FKBP5: variants seen among roughly 807,000 people sequenced by gnomAD.
FKBP5 encodes the protein peptidyl-prolyl cis-trans isomerase FKBP5.
A neutral mutation model predicts 50.5 loss-of-function variants in FKBP5; 23 were observed. That is an observed-to-expected ratio of 0.46 (90% CI 0.33 to 0.65). The LOEUF (loss-of-function observed/expected upper bound fraction) is 0.65, where lower values mean the gene tolerates loss of function less well. Among genes scored for constraint, FKBP5 ranks in the 30% least tolerant of loss-of-function variants. The probability of loss-of-function intolerance (pLI) is 0.02; values close to 1 mark genes in which losing one functional copy is unlikely to be tolerated. For missense variants in FKBP5, 411 were observed against 553.1 expected (o/e 0.74, Z 2.58); for synonymous variants, 176 against 190.6 (o/e 0.92, Z 0.63).
intron 2 of FKBP5, chr6:35,720,259 GGTCTC>G (rs1334045582): frequency 6.6e-6 from 1 of 152,650 alleles, no homozygotes; most frequent in Non-Finnish European, 1.5e-5. Flanking sequence ...GGTGGGGAGG[GGTCTC>G]TGTCCTGATA....
chr6:35,672,766 A>C (rs1009234923), intron 1 of FKBP5, among the ~76,000 whole-genome samples: 1 of 151,184 alleles, frequency 6.6e-6, no homozygotes, highest in African/African-American at 2.4e-5. Context: ...TCTACTAAAA[A>C]AAAAAATACA....
intron 3 of FKBP5, among the ~76,000 whole-genome samples, chr6:35,628,235 A>G (rs1325669058): frequency 6.6e-6 from 1 of 152,172 alleles, no homozygotes; most frequent in African/African-American, 2.4e-5. Context: ...TTTGTTGAAA[A>G]GACTGTTCTT....
At chr6:35,618,805 A>G (rs1763735499) in intron 5 of FKBP5, among the ~76,000 whole-genome samples, 1 of 151,400 alleles carries the variant, frequency 6.6e-6, no homozygotes. Flanking sequence ...AGTGATTCTC[A>G]TGCCTCAGCC....
rs1382240071 is a variant in FKBP5 at position 35,659,160 on chromosome 6, T to C, written c.-19-16317A>G. Among the ~76,000 whole-genome samples the C allele has an allele frequency of 4.8e-5, 4 of 84,174 alleles. 1 individual carries two copies. The highest frequency in any genetic ancestry group is 1.5e-4 in the African/African-American group (4 of 27,214). 55.2% of individuals were successfully genotyped at this position (84,174 alleles called of 152,430 possible). On this transcript the variant is annotated intron_variant, in intron 1 of 10. Coordinates refer to ENST00000357266, the MANE Select transcript of FKBP5 (RefSeq NM_004117.4). ...ATCTTTATCAATTTTATGGAGGAGTTTGTGTAAAATTGGTATTATGACTTC... is the reference window on the plus strand; with the variant it reads ...ATCTTTATCAATTTTATGGAGGAGTCTGTGTAAAATTGGTATTATGACTTC...
chr6:35,586,705 A>C, intron 8 of FKBP5: 1 of 1,146,148 alleles, frequency 8.7e-7, no homozygotes, highest in Non-Finnish European at 1.1e-6. Flanking sequence ...TTTCATTCCA[A>C]AAACACTTGT....
intron 5 of FKBP5, among the ~76,000 whole-genome samples, chr6:35,603,907 T>C (rs956109081): frequency 1.3e-5 from 2 of 151,950 alleles, no homozygotes; most frequent in African/African-American, 4.8e-5. Flanking sequence ...GGTTTCGCCA[T>C]GTTGGCCAGG....
Position 35,668,090 on chromosome 6 carries a change from C to T in FKBP5, c.-20+20714G>A, listed in dbSNP as rs530794916. ...CTTCACTAATTTAATTTTTCTACAACGAGTGTGTAACACAATAAGAAAGTA... is the reference window on the plus strand; with the variant it reads ...CTTCACTAATTTAATTTTTCTACAATGAGTGTGTAACACAATAAGAAAGTA... On this transcript the variant is annotated intron_variant, in intron 1 of 10. Coordinates refer to ENST00000357266, the MANE Select transcript of FKBP5 (RefSeq NM_004117.4). 1.3e-3 allele frequency among the ~76,000 whole-genome samples: 201 copies of T among 152,322 alleles called. 1 individual carries two copies. Among genetic ancestry groups the T allele is most frequent in the Non-Finnish European group, 1.9e-3 (130 of 68,030 alleles).
At chr6:35,690,868 T>C (rs1477185618), upstream of FKBP5, among the ~76,000 whole-genome samples, 1 of 151,682 alleles carries the variant, frequency 6.6e-6, no homozygotes, top group Non-Finnish European at 1.5e-5. Flanking sequence ...TAGCCAGGCA[T>C]GGTGACGCAT....
intron 1 of FKBP5, among the ~76,000 whole-genome samples, chr6:35,670,524 A>G (rs1765356019): frequency 6.6e-6 from 1 of 151,952 alleles, no homozygotes; most frequent in African/African-American, 2.4e-5. Context: ...ACTTGAGGTT[A>G]GAAGTTCGCC....
chr6:35,591,951 A>AT, intron 6 of FKBP5, among the ~76,000 whole-genome samples: 1 of 152,242 alleles, frequency 6.6e-6, no homozygotes, highest in South Asian at 2.1e-4. Flanking sequence ...AACTGAGGAC[A>AT]TATACATTTG....
At chr6:35,615,017 C>T (rs918270381) in intron 5 of FKBP5, among the ~76,000 whole-genome samples, 4 of 151,706 alleles carry the variant, frequency 2.6e-5, no homozygotes, top group South Asian at 2.1e-4. Flanking sequence ...CCAGCTACTC[C>T]GGAGACTGAG....
intron 6 of FKBP5, among the ~76,000 whole-genome samples, chr6:35,596,084 G>A (rs1332855514): frequency 1.3e-5 from 2 of 152,046 alleles, no homozygotes; most frequent in Non-Finnish European, 2.9e-5. Flanking sequence ...GCTGGGCGTG[G>A]TGGCTCACAC....
chr6:35,655,210 A>G (rs936019479), intron 1 of FKBP5, among the ~76,000 whole-genome samples: 4 of 152,200 alleles, frequency 2.6e-5, no homozygotes, highest in African/African-American at 9.7e-5. Flanking sequence ...AAGCTGAAGG[A>G]TAAGTAGGAG....
intron 8 of FKBP5, chr6:35,584,270 G>C (rs1762534552): frequency 4.1e-6 from 4 of 985,404 alleles, no homozygotes; most frequent in Non-Finnish European, 2.4e-6. Context: ...TTGAAATGAG[G>C]ACTTTACATC....
intron 1 of FKBP5, among the ~76,000 whole-genome samples, chr6:35,648,362 T>C (rs2150992292): frequency 6.6e-6 from 1 of 152,240 alleles, no homozygotes; most frequent in East Asian, 1.9e-4. Context: ...CTTGAATTCC[T>C]GGGCTCAAGC....
chr6:35,677,595 T>A (rs528979871), intron 1 of FKBP5, among the ~76,000 whole-genome samples: 25 of 152,236 alleles, frequency 1.6e-4, no homozygotes, highest in African/African-American at 6.0e-4. Flanking sequence ...TGGGCCACAG[T>A]CTGTGGTCTA....
chr6:35,657,589 C>T (rs977037035), intron 1 of FKBP5, among the ~76,000 whole-genome samples: 7 of 152,184 alleles, frequency 4.6e-5, no homozygotes, highest in African/African-American at 1.7e-4. Context: ...ATAATCTCCC[C>T]ATTTCAAAGC....
At chr6:35,595,689 T>G (rs1393300665) in intron 6 of FKBP5, among the ~76,000 whole-genome samples, 2 of 151,752 alleles carry the variant, frequency 1.3e-5, no homozygotes. Context: ...AGGTTGAGGC[T>G]ACAGTGAGCG....
intron 2 of FKBP5, among the ~76,000 whole-genome samples, chr6:35,715,576 G>A (rs1325130931): frequency 6.6e-6 from 1 of 152,230 alleles, no homozygotes; most frequent in East Asian, 1.9e-4. Context: ...GGGCATCCAG[G>A]CAGCAGGAAC....
Sources: allele counts gnomAD v4.1 joint callset (sites outside exome capture counted in the v4.1 genomes callset), GRCh38; gene constraint gnomAD v4.1.1; transcripts MANE v1.5; gene names NCBI Gene and HGNC (gene_info 2026-07-23, HGNC 2026-07-21).